PIK3AP1: variants seen among roughly 807,000 people sequenced by gnomAD.
The protein encoded by PIK3AP1 is phosphoinositide-3-kinase adaptor protein 1.
In PIK3AP1, 21 loss-of-function variants were observed where a neutral mutation model predicts 88.1. That is an observed-to-expected ratio of 0.24 (90% CI 0.17 to 0.34). The LOEUF (loss-of-function observed/expected upper bound fraction) is 0.34. PIK3AP1 is among the 10% of genes least tolerant of loss of function. PIK3AP1 has a pLI of 1.00. For synonymous variants in PIK3AP1, 398 were observed against 400.0 expected (o/e 1.00, Z 0.06); for missense variants, 828 against 1,035.7 (o/e 0.80, Z 2.75).
Position 96,651,171 on chromosome 10 carries a change from G to A in PIK3AP1, c.988+77C>T, listed in dbSNP as rs1375761503. 46 of 1,567,282 alleles carry A rather than the reference G, an allele frequency of 2.9e-5. No homozygotes were observed. In the East Asian group the frequency reaches 5.2e-4, roughly 18 times the overall value. On this transcript the variant is annotated intron_variant, in intron 6 of 16. Transcript: ENST00000339364. The stretch of plus-strand genomic sequence containing the variant: ...AAGAGTTACAGCAGAAGGTAAACGC[G>A]TATGTTGATGGGATGCTGAAACCAG...
In PIK3AP1 at chr10:96,697,567, A is replaced by AT. The variant is rs201814697; in HGVS notation, c.430+11999dup. On this transcript the variant is annotated intron_variant, in intron 2 of 16. Transcript: ENST00000339364. ...GTGAGATCCTATCTCTACAAAATAA[A>AT]TTTTTTTTTTAATTAGCCGGGCATG... is the stretch of plus-strand genomic sequence containing the variant. Among the ~76,000 whole-genome samples, 382 of 150,738 alleles carry AT rather than the reference A, an allele frequency of 2.5e-3. 5 individuals are homozygous for AT. The highest frequency in any genetic ancestry group is 1.4e-3 in the East Asian group (7 of 5,126).
chr10:96,618,313 T>C (rs1358253705), intron 12 of PIK3AP1, among the ~76,000 whole-genome samples: 1 of 151,952 alleles, frequency 6.6e-6, no homozygotes, highest in Non-Finnish European at 1.5e-5. Context: ...ACAACAACGA[T>C]AACAAAAAAA....
At chr10:96,679,506 C>A (rs376257291) in intron 2 of PIK3AP1, among the ~76,000 whole-genome samples, 2 of 150,594 alleles carry the variant, frequency 1.3e-5, no homozygotes, top group African/African-American at 2.4e-5. Flanking sequence ...CCAGCCTGGG[C>A]GACAGAGCAA....
intron 2 of PIK3AP1, among the ~76,000 whole-genome samples, chr10:96,667,653 C>G (rs748750739): frequency 7.7e-4 from 117 of 151,616 alleles, no homozygotes; most frequent in Non-Finnish European, 1.3e-3. Flanking sequence ...CAGGATGATT[C>G]TAGAGTGTAC....
At chr10:96,703,221 C>T (rs1844321923) in intron 2 of PIK3AP1, among the ~76,000 whole-genome samples, 1 of 152,076 alleles carries the variant, frequency 6.6e-6, no homozygotes, top group African/African-American at 2.4e-5. Flanking sequence ...CAGACTAGAA[C>T]ATTAATATCA....
intron 14 of PIK3AP1, among the ~76,000 whole-genome samples, chr10:96,605,079 C>CA (rs1848979438): frequency 1.3e-5 from 2 of 152,298 alleles, no homozygotes; most frequent in Non-Finnish European, 2.9e-5. Context: ...AGGCTGGTCT[C>CA]AAACTCCTGA....
rs148240926 is a variant in PIK3AP1, at chr10:96,645,385, A to G, written c.1375+88T>C. 247 of 1,366,276 alleles carry G rather than the reference A, an allele frequency of 1.8e-4. No individual in the cohort carries two copies. The African/African-American group carries it at 2.8e-3, about 15-fold the overall frequency. The allele number at this position is 1,366,276 out of a possible 1,614,324, so 84.6% of individuals were successfully genotyped here. On this transcript the variant is annotated intron_variant, in intron 8 of 16. Transcript: ENST00000339364. Reference sequence around the variant, plus strand: ...TCTCTGGGGTGAAGTGAGGGTACATAGGGACTGCCCCGCGCCATCTTCATC... The same window carrying G: ...TCTCTGGGGTGAAGTGAGGGTACATGGGGACTGCCCCGCGCCATCTTCATC...
intron 10 of PIK3AP1, 130 bp from the exon 11 acceptor site, chr10:96,623,667 T>TAATG: frequency 1.3e-6 from 1 of 753,536 alleles, no homozygotes; most frequent in Admixed American, 2.3e-5. Flanking sequence ...AAGAGGCAAT[T>TAATG]AATGAGAAGG....
chr10:96,625,046 G>C (rs571413391), intron 10 of PIK3AP1, among the ~76,000 whole-genome samples: 2 of 152,342 alleles, frequency 1.3e-5, no homozygotes, highest in South Asian at 4.2e-4. Flanking sequence ...GTGAGACGGG[G>C]AAGCGGATGG....
chr10:96,609,801 T>C lies in PIK3AP1; in HGVS notation c.2081A>G (p.Tyr694Cys), dbSNP rs1242856270. 1 of 1,614,100 alleles carries C rather than the reference T, an allele frequency of 6.2e-7. No individual in the cohort carries two copies. Among genetic ancestry groups the C allele is most frequent in the Admixed American group, 1.7e-5 (1 of 60,026 alleles). The change falls in exon 14 of 17, where the codon TAT (tyrosine) becomes TGT (cysteine). Residue 694 changes from tyrosine (Y) to cysteine (C), a missense_variant. Physicochemically the swap from Tyr to Cys is radical, Grantham distance 194. This residue lies in a region of PIK3AP1 where 191 missense variants were observed against 208.6 expected (regional missense o/e 0.92). Coordinates refer to ENST00000339364, the MANE Select transcript of PIK3AP1 (RefSeq NM_152309.3). Reference protein sequence around the residue: ...HLPAKVEFGVYESGPRKSVIP... With the variant: ...HLPAKVEFGVCESGPRKSVIP... ...GACACTTTTCCTGGGGCCACTCTCATAGACTCCAAACTCCACTTTTGCAGG... is the reference window on the plus strand; with the variant it reads ...GACACTTTTCCTGGGGCCACTCTCACAGACTCCAAACTCCACTTTTGCAGG...
chr10:96,714,532 T>G (rs1844478310), intron 1 of PIK3AP1, among the ~76,000 whole-genome samples: 1 of 152,212 alleles, frequency 6.6e-6, no homozygotes. Context: ...ATACATCTAG[T>G]GCCATGGGTT....
chr10:96,710,080 G>T, intron 1 of PIK3AP1, 97 bp from the exon 2 acceptor site: 1 of 1,252,192 alleles, frequency 8.0e-7, no homozygotes, highest in Non-Finnish European at 1.1e-6. Context: ...CACTGGGTCT[G>T]GCACCCACAA....
At chr10:96,628,549 AT>A in intron 8 of PIK3AP1, 56 bp from the exon 9 acceptor site, 1 of 1,361,334 alleles carries the variant, frequency 7.3e-7, no homozygotes, top group Non-Finnish European at 1.1e-6. Context: ...AGGCAAGGAG[AT>A]TTTTACAGAT....
chr10:96,675,106 T>C (rs113960553), intron 2 of PIK3AP1, among the ~76,000 whole-genome samples: 4,107 of 152,226 alleles, frequency 0.027, 79 homozygotes, highest in Middle Eastern at 0.068. Flanking sequence ...TTGACCAGGC[T>C]GGCCTTGAAC....
chr10:96,667,040 G>A (rs765894119), intron 2 of PIK3AP1, among the ~76,000 whole-genome samples: 1 of 152,220 alleles, frequency 6.6e-6, no homozygotes, highest in African/African-American at 2.4e-5. Flanking sequence ...TCCGAGCAAT[G>A]CTGCCCTGGT....
rs763923650 is a variant in PIK3AP1 at position 96,711,739 on chromosome 10, ATT to A, written c.14-1758_14-1757del. 7.7e-3 allele frequency among the ~76,000 whole-genome samples: 512 copies of A among 66,426 alleles called. 7 individuals are homozygous for A. The highest frequency in any genetic ancestry group is 0.031 in the African/African-American group (437 of 14,240). The allele number at this position is 66,426 out of a possible 152,430, so 43.6% of individuals were successfully genotyped here. ...ATTTCCCCCAGGATGAGATTACCAA[ATT>A]TTTTTTTTTTTTTTTTTTTTTTTTT... On this transcript the variant is annotated intron_variant, in intron 1 of 16. Transcript: ENST00000339364.
chr10:96,666,280 G>A (rs1486555241), intron 2 of PIK3AP1, among the ~76,000 whole-genome samples: 9 of 152,000 alleles, frequency 5.9e-5, no homozygotes, highest in Non-Finnish European at 1.2e-4. Context: ...TTAGCCGGGC[G>A]TGGTAGCAGG....
At chr10:96,626,401 T>G (rs548241959) in intron 10 of PIK3AP1, among the ~76,000 whole-genome samples, 3 of 152,328 alleles carry the variant, frequency 2.0e-5, no homozygotes, top group African/African-American at 7.2e-5. Flanking sequence ...CAATAAATGT[T>G]AGCAATTCAA....
At chr10:96,693,273 TCCC>T (rs200769943) in intron 2 of PIK3AP1, among the ~76,000 whole-genome samples, 1 of 151,888 alleles carries the variant, frequency 6.6e-6, no homozygotes, top group Admixed American at 6.6e-5. Context: ...CAGTGAGCAA[TCCC>T]CCCAACTTCC....
Sources: gnomAD v4.1 joint callset for allele counts (sites outside exome capture counted in the v4.1 genomes callset) on GRCh38, gnomAD v4.1.1 for gene constraint, gnomAD v4.1.1 regional missense constraint, MANE v1.5 for transcripts, NCBI Gene and HGNC (gene_info 2026-07-23, HGNC 2026-07-21) for gene names.